E2F3: variants seen among roughly 807,000 people sequenced by gnomAD.
E2F3 encodes E2F transcription factor 3.
Under a neutral mutation model 44.4 loss-of-function variants are expected in E2F3, and 11 were observed. The ratio of observed to expected loss-of-function variants is 0.25; its 90% CI spans 0.16 to 0.41. The LOEUF (loss-of-function observed/expected upper bound fraction) is 0.41, where lower values mean the gene tolerates loss of function less well. Among genes scored for constraint, E2F3 ranks in the 10% least tolerant of loss-of-function variants. The pLI, the probability that E2F3 is intolerant of heterozygous loss-of-function variation, is 1.00. For synonymous variants in E2F3, 249 were observed against 253.0 expected, an observed-to-expected ratio of 0.98 and a Z score of 0.15; for missense variants, 487 against 583.6, an observed-to-expected ratio of 0.83 and a Z score of 1.70.
chr6:20,488,244 C>T lies in E2F3; in HGVS notation c.1131C>T (p.Ser377=). The change falls in exon 6 of 7, where the codon TCC becomes TCT. Residue 377 remains serine (S), a synonymous_variant. Coordinates refer to ENST00000346618, the MANE Select transcript of E2F3 (RefSeq NM_001949.5). ...DHNGNIPKPA[S]KDLASTNSGH... Reference sequence around the variant, plus strand: ...ATGGGAATATCCCTAAACCCGCTTCCAAAGGTAAAAACTCCACTTTTGTCT... The same window carrying T: ...ATGGGAATATCCCTAAACCCGCTTCTAAAGGTAAAAACTCCACTTTTGTCT... 6.3e-7 allele frequency: 1 copy of T among 1,584,084 alleles called. No homozygotes were observed. Among genetic ancestry groups the T allele is most frequent in the East Asian group, 2.2e-5 (1 of 44,672 alleles).
At chr6:20,463,225 A>G (rs1012479825) in intron 1 of E2F3, among the ~76,000 whole-genome samples, 4 of 151,968 alleles carry the variant, frequency 2.6e-5, no homozygotes, top group Non-Finnish European at 4.4e-5. Context: ...ACCAGGCCAA[A>G]TCTCTTTAAA....
At chr6:20,462,756 C>T (rs566464914) in intron 1 of E2F3, among the ~76,000 whole-genome samples, 1 of 151,782 alleles carries the variant, frequency 6.6e-6, no homozygotes, top group African/African-American at 2.4e-5. Context: ...CCACACCCTG[C>T]CTAGTTCACT....
At chr6:20,423,894 G>T (rs913639868) in intron 1 of E2F3, among the ~76,000 whole-genome samples, 1 of 151,894 alleles carries the variant, frequency 6.6e-6, no homozygotes, top group Non-Finnish European at 1.5e-5. Context: ...TCAGCCTCCC[G>T]AGTAGCTGGG....
chr6:20,479,952 C>A lies in E2F3; in HGVS notation c.500C>A (p.Pro167Gln). ...GCTGCACTACGAAGTCCAGATAGTCCAAAAAGTAAGGATCTTTTCATCTCT... is the reference window on the plus strand; with the variant it reads ...GCTGCACTACGAAGTCCAGATAGTCAAAAAAGTAAGGATCTTTTCATCTCT... ...GRAALRSPDS[P>Q]KTPKSPSEKT... The change falls in exon 2 of 7, where the codon CCA (proline) becomes CAA (glutamine). Residue 167 changes from proline (P) to glutamine (Q), a missense_variant. Physicochemically the swap from Pro to Gln is moderately conservative, Grantham distance 76. Around this residue, in one of 3 missense-constraint regions of E2F3, gnomAD observed 238 missense variants for 236.0 expected, o/e 1.01. Transcript: ENST00000346618. The A allele has an allele frequency of 6.2e-7, 1 of 1,606,278 alleles. No homozygotes were observed. The highest frequency in any genetic ancestry group is 1.1e-5 in the South Asian group (1 of 89,608).
chr6:20,402,508 G>T lies in E2F3; in HGVS notation c.276G>T (p.Glu92Asp). The T allele has an allele frequency of 6.2e-7, 1 of 1,603,022 alleles. No homozygotes were observed. The change falls in exon 1 of 7, where the codon GAG (glutamate) becomes GAT (aspartate). Residue 92 changes from glutamate (E) to aspartate (D), a missense_variant. Glu to Asp is a conservative substitution (Grantham distance 45). Coordinates refer to ENST00000346618, the MANE Select transcript of E2F3 (RefSeq NM_001949.5). This position sits in a 1 kb window ranked among gnomAD's most constrained non-coding sequence, Gnocchi z 5.6. ...TCCTCCCCAGTGCCCCCGGCGCGGA[G>T]CAGACCGCCGGCAGCCTCCTCTACA... is the stretch of plus-strand genomic sequence containing the variant. ...GPLLPSAPGA[E>D]QTAGSLLYTT...
intron 1 of E2F3, among the ~76,000 whole-genome samples, chr6:20,409,780 G>T (rs778354061): frequency 6.6e-6 from 1 of 152,194 alleles, no homozygotes; most frequent in Non-Finnish European, 1.5e-5. Flanking sequence ...CAAGCCCTGA[G>T]GCCTGAAAGT....
At chr6:20,482,125 T>C (rs533961839) in intron 3 of E2F3, among the ~76,000 whole-genome samples, 1 of 152,300 alleles carries the variant, frequency 6.6e-6, no homozygotes, top group Non-Finnish European at 1.5e-5. Flanking sequence ...AGATGGAAGA[T>C]GAATACATAC....
chr6:20,473,579 C>T (rs1561879446), intron 1 of E2F3, among the ~76,000 whole-genome samples: 1 of 152,150 alleles, frequency 6.6e-6, no homozygotes, highest in Non-Finnish European at 1.5e-5. Context: ...CTGCCTTATA[C>T]CAAAAAGGGA....
intron 1 of E2F3, among the ~76,000 whole-genome samples, chr6:20,450,149 G>A (rs1761081716): frequency 6.6e-6 from 1 of 152,198 alleles, no homozygotes; most frequent in African/African-American, 2.4e-5. Context: ...AAATGGGAAT[G>A]CTGGGTTGAA....
intron 1 of E2F3, among the ~76,000 whole-genome samples, chr6:20,476,943 A>C (rs1214283478): frequency 6.6e-6 from 1 of 152,186 alleles, no homozygotes; most frequent in East Asian, 1.9e-4. Flanking sequence ...TTAACTTAGC[A>C]CTGCAGTAGA....
intron 1 of E2F3, chr6:20,440,251 A>C (rs979486558): frequency 6.6e-6 from 1 of 152,252 alleles, no homozygotes; most frequent in Non-Finnish European, 1.5e-5. Context: ...CCACAGGTAC[A>C]TGACTTCCAA....
intron 1 of E2F3, among the ~76,000 whole-genome samples, chr6:20,439,336 C>T (rs1760695897): frequency 6.6e-6 from 1 of 152,224 alleles, no homozygotes; most frequent in Non-Finnish European, 1.5e-5. Flanking sequence ...TAAAGCAACG[C>T]TTTAGCATGG....
At chr6:20,410,210 A>C (rs1241391670) in intron 1 of E2F3, among the ~76,000 whole-genome samples, 2 of 152,042 alleles carry the variant, frequency 1.3e-5, no homozygotes, top group Non-Finnish European at 2.9e-5. Context: ...TGAGGCCCAC[A>C]CTATCTCCTG....
intron 1 of E2F3, among the ~76,000 whole-genome samples, chr6:20,441,964 T>C (rs546485955): frequency 5.5e-4 from 83 of 151,916 alleles, no homozygotes; most frequent in African/African-American, 1.8e-3. Context: ...TTGACGCGGA[T>C]CCTTTCTTTG....
Position 20,402,754 on chromosome 6 carries a change from C to T in E2F3, c.393+129C>T. 2.4e-6 allele frequency: 3 copies of T among 1,245,638 alleles called. No individual in the cohort carries two copies. Among genetic ancestry groups the T allele is most frequent in the Non-Finnish European group, 3.0e-6 (3 of 995,988 alleles). 77.2% of individuals were successfully genotyped at this position (1,245,638 alleles called of 1,614,324 possible). On this transcript the variant is annotated intron_variant, in intron 1 of 6. Coordinates refer to ENST00000346618, the MANE Select transcript of E2F3 (RefSeq NM_001949.5). This position sits in a 1 kb window ranked among gnomAD's most constrained non-coding sequence, Gnocchi z 5.6. ...GAGCATCGTGGGCCTCGGGGGCTGC[C>T]CCTCCAACGAGGGTTCATTGTTAGA... is the stretch of plus-strand genomic sequence containing the variant.
rs557870198 is a variant in E2F3 at position 20,488,351 on chromosome 6, A to G, written c.1135+103A>G. ...GCCTAGGCAAGAAACACAAACTTCT[A>G]TTGGTATTAGGTAACATGTTTTAAA... On this transcript the variant is annotated intron_variant, in intron 6 of 6. Coordinates refer to ENST00000346618, the MANE Select transcript of E2F3 (RefSeq NM_001949.5). The G allele has an allele frequency of 4.7e-5, 63 of 1,343,414 alleles. 1 individual carries two copies. In the South Asian group the frequency reaches 7.6e-4, roughly 16 times the overall value. The allele number at this position is 1,343,414 out of a possible 1,614,324, so 83.2% of individuals were successfully genotyped here.
At chr6:20,436,494 G>A (rs577761916) in intron 1 of E2F3, among the ~76,000 whole-genome samples, 96 of 147,896 alleles carry the variant, frequency 6.5e-4, no homozygotes, top group African/African-American at 2.1e-3. Flanking sequence ...GAGAGAGAGA[G>A]AAAAATTTTG....
rs141071940 is a variant in E2F3 at position 20,464,773 on chromosome 6, T to C, written c.394-15073T>C. 7.2e-5 allele frequency among the ~76,000 whole-genome samples: 11 copies of C among 152,342 alleles called. No individual in the cohort carries two copies. In the East Asian group the frequency reaches 2.1e-3, roughly 29 times the overall value. On this transcript the variant is annotated intron_variant, in intron 1 of 6. Coordinates refer to ENST00000346618, the MANE Select transcript of E2F3 (RefSeq NM_001949.5). ...AGAGACACAGCTATTTCTTATGAAG[T>C]GTGTTCAAATATACCACCTCTCTCT...
intron 1 of E2F3, among the ~76,000 whole-genome samples, chr6:20,425,272 T>TTCTAG (rs1760176236): frequency 6.6e-6 from 1 of 152,184 alleles, no homozygotes; most frequent in Non-Finnish European, 1.5e-5. Flanking sequence ...CTCGGCTCTT[T>TTCTAG]TCTAGAGTTG....
Sources: gnomAD v4.1 joint callset for allele counts (sites outside exome capture counted in the v4.1 genomes callset) on GRCh38, gnomAD v4.1.1 for gene constraint, gnomAD v4.1.1 regional missense constraint, Gnocchi (gnomAD v3.1) non-coding constraint, MANE v1.5 for transcripts, NCBI Gene and HGNC (gene_info 2026-07-23, HGNC 2026-07-21) for gene names.